The following NUP188 variants were observed in gnomAD, a reference collection of about 807,000 sequenced individuals.
NUP188 encodes the protein nucleoporin 188.
A neutral mutation model predicts 223.0 loss-of-function variants in NUP188; 97 were observed. The observed-to-expected ratio is 0.43, with a 90% CI of 0.37 to 0.51. NUP188 has a LOEUF of 0.51. NUP188 is among the 20% of genes least tolerant of loss of function. The probability of loss-of-function intolerance (pLI) is 0.00; values close to 1 mark genes in which losing one functional copy is unlikely to be tolerated. For synonymous variants in NUP188, 869 were observed against 828.0 expected (o/e 1.05, Z -0.85); for missense variants, 1,947 against 2,175.6 (o/e 0.89, Z 2.09).
At chr9:128,977,798 A>G (rs1275090122) in intron 12 of NUP188, among the ~76,000 whole-genome samples, 1 of 151,912 alleles carries the variant, frequency 6.6e-6, no homozygotes, top group African/African-American at 2.4e-5. Context: ...AACTTCATCT[A>G]AAAAAAAGAA....
At chr9:128,975,226 C>CTTTTTTTTTTTTTTTTT (rs540828761) in intron 12 of NUP188, among the ~76,000 whole-genome samples, 2 of 131,872 alleles carry the variant, frequency 1.5e-5, no homozygotes, top group African/African-American at 6.0e-5. Context: ...TTTTCTTTTC[C>CTTTTTTTTTTTTTTTTT]TTTTTTTTTT....
intron 13 of NUP188, 129 bp from the exon 14 acceptor site, chr9:128,980,477 T>C (rs1053509626): frequency 4.5e-6 from 4 of 890,884 alleles, no homozygotes; most frequent in African/African-American, 1.7e-5. Flanking sequence ...TCTTAAATTA[T>C]TAAGGAGGGA....
At chr9:128,950,660 G>C (rs942540077) in intron 2 of NUP188, among the ~76,000 whole-genome samples, 17 of 152,084 alleles carry the variant, frequency 1.1e-4, no homozygotes, top group African/African-American at 4.1e-4. Flanking sequence ...TGGCAAGATA[G>C]CAAGACCCCG....
At chr9:128,971,068 C>T (rs2131155754) in intron 11 of NUP188, 110 bp downstream of exon 11, 1 of 815,562 alleles carries the variant, frequency 1.2e-6, no homozygotes. Context: ...TGTAACTAAC[C>T]TTTTGAGAGC....
In NUP188 at chr9:129,006,121, AAAGT is replaced by A. The variant is rs746050129; in HGVS notation, c.4943+3_4943+6del. ...CACAGGCAGAAGGGACCAGGACGTT[AAAGT>A]AAGTGCTCTTTCTGGGATTTGATAA... is the stretch of plus-strand genomic sequence containing the variant. On this transcript the variant is annotated splice_donor_variant and coding_sequence_variant, in exon 42 of 44. Transcript: ENST00000372577. LOFTEE classifies it high-confidence loss of function. 1 of 1,614,144 alleles carries A rather than the reference AAAGT, an allele frequency of 6.2e-7. No homozygotes were observed. Among genetic ancestry groups the A allele is most frequent in the African/African-American group, 1.3e-5 (1 of 75,026 alleles).
chr9:128,997,096 C>T (rs1842540245), intron 30 of NUP188, among the ~76,000 whole-genome samples: 1 of 152,162 alleles, frequency 6.6e-6, no homozygotes, highest in Admixed American at 6.5e-5. Context: ...TAGAAGTAGT[C>T]AGGGTGGCCT....
chr9:129,005,212 T>C lies in NUP188; in HGVS notation c.4500T>C (p.His1500=). The C allele has an allele frequency of 6.2e-7, 1 of 1,614,044 alleles. No homozygotes were observed. The highest frequency in any genetic ancestry group is 8.5e-7 in the Non-Finnish European group (1 of 1,179,904). Residue 1500 remains histidine, a synonymous_variant, in exon 39 of 44, where the codon CAT becomes CAC. Coordinates refer to ENST00000372577, the MANE Select transcript of NUP188 (RefSeq NM_015354.3). ...TGCACAGTCGAAAGATGCTGCAGCA[T>C]TACTTACAGGTAAGCGTCCTATGCC... is the stretch of plus-strand genomic sequence containing the variant. ...SLLHSRKMLQ[H]YLQNKNGDGL...
chr9:129,005,826 G>T, intron 41 of NUP188, 50 bp downstream of exon 41: 1 of 1,546,666 alleles, frequency 6.5e-7, no homozygotes. Context: ...TCCTCCCCCT[G>T]CCTGCCACTT....
intron 5 of NUP188, 119 bp from the exon 6 acceptor site, chr9:128,957,891 T>C: frequency 1.3e-6 from 1 of 757,054 alleles, no homozygotes; most frequent in Non-Finnish European, 2.2e-6. Flanking sequence ...GTGGAAAGTA[T>C]ATGTAGAAAC....
At chr9:128,970,658 C>T in intron 10 of NUP188, 100 bp from the exon 11 acceptor site, 1 of 948,098 alleles carries the variant, frequency 1.1e-6, no homozygotes. Context: ...AGAGTGAGGC[C>T]ACTCTTTATG....
At chr9:128,994,466 T>G (rs1245455907) in intron 28 of NUP188, 24 bp downstream of exon 28, 9 of 1,566,832 alleles carry the variant, frequency 5.7e-6, no homozygotes, top group Non-Finnish European at 7.9e-6. Flanking sequence ...GAGGGCAGGA[T>G]GGTGGCTACA....
chr9:128,975,226 C>CTTTTT lies in NUP188; in HGVS notation c.1203+1990_1203+1994dup, dbSNP rs540828761. On this transcript the variant is annotated intron_variant, in intron 12 of 43. Coordinates refer to ENST00000372577, the MANE Select transcript of NUP188 (RefSeq NM_015354.3). ...AATTAATTAATTTCTTTTTCTTTTC[C>CTTTTT]TTTTTTTTTTTTTTTTTGAGACGGA... is the stretch of plus-strand genomic sequence containing the variant. 1.5e-3 allele frequency among the ~76,000 whole-genome samples: 199 copies of CTTTTT among 131,842 alleles called. 4 individuals carry two copies. The East Asian group carries it at 0.026, about 17-fold the overall frequency. 86.5% of individuals were successfully genotyped at this position (131,842 alleles called of 152,430 possible). A position where few individuals can be genotyped will look rare whatever the true frequency, so the allele number is the denominator to read the frequency against.
intron 30 of NUP188, 33 bp downstream of exon 30, chr9:128,995,547 G>GT (rs755609047): frequency 2.0e-4 from 307 of 1,526,014 alleles, no homozygotes; most frequent in Middle Eastern, 1.8e-3. Context: ...TTTCACTTTG[G>GT]TACCTTAGCA....
chr9:128,990,338 C>T lies in NUP188; in HGVS notation c.2640+112C>T, dbSNP rs553867801. The T allele has an allele frequency of 7.0e-4, 611 of 874,378 alleles. 1 individual carries two copies. The highest frequency in any genetic ancestry group is 1.1e-3 in the Non-Finnish European group (588 of 521,644). 54.2% of individuals were successfully genotyped at this position (874,378 alleles called of 1,614,324 possible). ...AGCGGCTTAACGCCTGTATATAATT[C>T]CAGCACTTTGGGAGGCCAAGGTGGG... On this transcript the variant is annotated intron_variant, in intron 25 of 43. Transcript: ENST00000372577.
At chr9:128,973,527 C>T (rs1486991465) in intron 12 of NUP188, among the ~76,000 whole-genome samples, 2 of 151,888 alleles carry the variant, frequency 1.3e-5, no homozygotes, top group African/African-American at 4.8e-5. Flanking sequence ...GAATTACAGG[C>T]GTCCGCCACC....
At chr9:128,948,128 C>G in intron 1 of NUP188, 1 of 191,458 alleles carries the variant, frequency 5.2e-6, no homozygotes, top group Middle Eastern at 1.9e-3. Flanking sequence ...GGGTACCCCC[C>G]ACCCACGTCC....
In NUP188 at chr9:128,958,908, G is replaced by A; in HGVS notation, c.465+14G>A. 7.8e-6 allele frequency: 12 copies of A among 1,533,568 alleles called. No homozygotes were observed. Among genetic ancestry groups the A allele is most frequent in the Non-Finnish European group, 1.1e-5 (12 of 1,120,516 alleles). The allele number at this position is 1,533,568 out of a possible 1,614,324, so 95.0% of individuals were successfully genotyped here. A position where few individuals can be genotyped will look rare whatever the true frequency, so the allele number is the denominator to read the frequency against. ...CACCCCTATAGGGTAAGCTTGTTTAGTCCTCTTGCTTCTCTTTATACTGTA... is the reference window on the plus strand; with the variant it reads ...CACCCCTATAGGGTAAGCTTGTTTAATCCTCTTGCTTCTCTTTATACTGTA... On this transcript the variant is annotated intron_variant, in intron 7 of 43. Transcript: ENST00000372577.
chr9:129,005,594 G>A, intron 40 of NUP188, 51 bp from the exon 41 acceptor site: 2 of 1,611,178 alleles, frequency 1.2e-6, no homozygotes, highest in South Asian at 1.1e-5. Flanking sequence ...TGTACCGAGA[G>A]CTACCTGGGG....
chr9:129,001,468 TGTC>T (rs1328722655), intron 34 of NUP188, 58 bp from the exon 35 acceptor site: 39 of 1,547,484 alleles, frequency 2.5e-5, no homozygotes, highest in East Asian at 2.3e-5. Flanking sequence ...CACCGCTGCC[TGTC>T]GTCCTCTTCC....
Sources: allele counts gnomAD v4.1 joint callset (sites outside exome capture counted in the v4.1 genomes callset), GRCh38; gene constraint gnomAD v4.1.1; transcripts MANE v1.5; gene names NCBI Gene and HGNC (gene_info 2026-07-23, HGNC 2026-07-21).